The following ANKRD44 variants were observed in gnomAD, a reference collection of about 807,000 sequenced individuals.
ANKRD44 encodes the protein ankyrin repeat domain 44.
Under a neutral mutation model 116.0 loss-of-function variants are expected in ANKRD44, and 35 were observed. The observed-to-expected ratio is 0.30, with a 90% CI of 0.23 to 0.40. ANKRD44 has a LOEUF of 0.40. Ranked by LOEUF, ANKRD44 falls within the 10% of genes least tolerant of loss-of-function variation. The pLI is 1.00. For synonymous variants in ANKRD44, 435 were observed against 461.8 expected (o/e 0.94, Z 0.74); for missense variants, 1,014 against 1,242.6 (o/e 0.82, Z 2.77).
chr2:197,285,059 C>T (rs1351675368), intron 1 of ANKRD44, among the ~76,000 whole-genome samples: 1 of 151,634 alleles, frequency 6.6e-6, no homozygotes, highest in Non-Finnish European at 1.5e-5. Context: ...TAGAAGGCTC[C>T]CTAAAAGATG....
intron 21 of ANKRD44, among the ~76,000 whole-genome samples, chr2:196,973,114 T>G (rs995533971): frequency 8.5e-5 from 13 of 152,190 alleles, no homozygotes; most frequent in Admixed American, 3.9e-4. Flanking sequence ...CCAGCACCAT[T>G]TATTATCACT....
intron 1 of ANKRD44, among the ~76,000 whole-genome samples, chr2:197,240,374 C>CAAA (rs5837533): frequency 1.9e-4 from 18 of 96,590 alleles, no homozygotes; most frequent in African/African-American, 6.1e-4. Flanking sequence ...GGCTCCAGCT[C>CAAA]AAAAAAAAAA....
At chr2:197,252,610 G>C (rs952507893) in intron 1 of ANKRD44, among the ~76,000 whole-genome samples, 1 of 152,064 alleles carries the variant, frequency 6.6e-6, no homozygotes, top group African/African-American at 2.4e-5. Flanking sequence ...GTTTCACCGT[G>C]TATAACCAGG....
intron 16 of ANKRD44, among the ~76,000 whole-genome samples, chr2:197,030,999 T>C (rs762418731): frequency 2.2e-4 from 34 of 152,120 alleles, no homozygotes; most frequent in African/African-American, 4.1e-4. Flanking sequence ...CAAGTTTGTA[T>C]AGATGTTTTC....
chr2:197,062,133 A>T (rs927796522), intron 16 of ANKRD44, among the ~76,000 whole-genome samples: 1 of 152,132 alleles, frequency 6.6e-6, no homozygotes, highest in African/African-American at 2.4e-5. Context: ...TTTCCCTATA[A>T]TCCACTCTGT....
chr2:197,070,866 G>A (rs1289387873), intron 16 of ANKRD44, among the ~76,000 whole-genome samples: 1 of 152,014 alleles, frequency 6.6e-6, no homozygotes, highest in Non-Finnish European at 1.5e-5. Context: ...ATCCATGCCT[G>A]GAAATTTCTT....
chr2:197,125,178 G>A (rs967826609), intron 6 of ANKRD44, among the ~76,000 whole-genome samples: 4 of 152,198 alleles, frequency 2.6e-5, no homozygotes, highest in Admixed American at 2.6e-4. Context: ...CCTCTTCTTT[G>A]TAGGATAAAT....
chr2:197,014,355 T>C (rs376060724), intron 17 of ANKRD44, among the ~76,000 whole-genome samples: 6 of 152,352 alleles, frequency 3.9e-5, no homozygotes, highest in East Asian at 1.9e-4. Flanking sequence ...ATATCTTGCA[T>C]GTAGCTAGTG....
Position 197,201,623 on chromosome 2 carries a change from T to A in ANKRD44, c.28-14517A>T, listed in dbSNP as rs571281237. Among the ~76,000 whole-genome samples, 1 of 152,272 alleles carries A rather than the reference T, an allele frequency of 6.6e-6. No individual in the cohort carries two copies. The highest frequency in any genetic ancestry group is 1.5e-5 in the Non-Finnish European group (1 of 68,052). Reference sequence around the variant, plus strand: ...TAAATCTAGATTTGGGAATCTGCACTGCACACCTTATGTCAAAACTCAGAG... The same window carrying A: ...TAAATCTAGATTTGGGAATCTGCACAGCACACCTTATGTCAAAACTCAGAG... On this transcript the variant is annotated intron_variant, in intron 1 of 27. Transcript: ENST00000282272. The surrounding 1 kb of genome is among the most constrained non-coding windows in gnomAD (Gnocchi z 4.0).
chr2:197,086,776 G>A, intron 12 of ANKRD44, 28 bp from the exon 13 acceptor site: 1 of 1,604,904 alleles, frequency 6.2e-7, no homozygotes, highest in Non-Finnish European at 8.5e-7. Context: ...ACATCATTAA[G>A]ATGGAAGAGA....
chr2:197,081,160 C>T (rs2077785822), intron 15 of ANKRD44, among the ~76,000 whole-genome samples: 1 of 152,150 alleles, frequency 6.6e-6, no homozygotes. Context: ...CCAGGAGCAT[C>T]CTTTTGCAGG....
chr2:197,310,559 C>G lies in ANKRD44; in HGVS notation c.27+19G>C. The stretch of plus-strand genomic sequence containing the variant: ...CCCCGCGCCCGCGCGTCCCGCCCGC[C>G]GGCGCCGCCGCCCGCTACCTGGTCG... On this transcript the variant is annotated intron_variant, in intron 1 of 27. Coordinates refer to ENST00000282272, the MANE Select transcript of ANKRD44 (RefSeq NM_001195144.2). 2 of 1,167,142 alleles carry G rather than the reference C, an allele frequency of 1.7e-6. No individual in the cohort carries two copies. Among genetic ancestry groups the G allele is most frequent in the Non-Finnish European group, 1.1e-6 (1 of 930,522 alleles). 72.3% of individuals were successfully genotyped at this position (1,167,142 alleles called of 1,614,324 possible).
At chr2:197,158,806 G>C (rs1319980284) in intron 2 of ANKRD44, among the ~76,000 whole-genome samples, 1 of 152,122 alleles carries the variant, frequency 6.6e-6, no homozygotes, top group Non-Finnish European at 1.5e-5. Context: ...ACATTTACTG[G>C]GGATCCACCA....
At chr2:197,167,950 A>T (rs1376351437) in intron 2 of ANKRD44, among the ~76,000 whole-genome samples, 1 of 152,214 alleles carries the variant, frequency 6.6e-6, no homozygotes, top group Non-Finnish European at 1.5e-5. Context: ...GAATTTAGCT[A>T]CCTGTAACAT....
rs2080991933 is a variant in ANKRD44, at chr2:197,197,817, AAAAAAAAAAAAAAG to A, written c.28-10725_28-10712del. 3.0e-5 allele frequency among the ~76,000 whole-genome samples: 4 copies of A among 132,868 alleles called. No individual in the cohort carries two copies. In the South Asian group the frequency reaches 1.1e-3, roughly 36 times the overall value. The allele number at this position is 132,868 out of a possible 152,430, so 87.2% of individuals were successfully genotyped here. A position where few individuals can be genotyped will look rare whatever the true frequency, so the allele number is the denominator to read the frequency against. On this transcript the variant is annotated intron_variant, in intron 1 of 27. Coordinates refer to ENST00000282272, the MANE Select transcript of ANKRD44 (RefSeq NM_001195144.2). Reference sequence around the variant, plus strand: ...AGAGTGAAATCCTGTCTCAAAAAAAAAAAAAAAAAAAAAGAAAGAAAGAAACACAGAAAAAGAAA... The same window carrying A: ...AGAGTGAAATCCTGTCTCAAAAAAAAAAAGAAAGAAACACAGAAAAAGAAA...
chr2:197,205,462 T>C (rs1012018174), intron 1 of ANKRD44, among the ~76,000 whole-genome samples: 1 of 152,194 alleles, frequency 6.6e-6, no homozygotes, highest in Non-Finnish European at 1.5e-5. Flanking sequence ...TGCGAAGTGA[T>C]GTCCTCCACC....
intron 10 of ANKRD44, among the ~76,000 whole-genome samples, chr2:197,098,103 T>C (rs2078205289): frequency 1.3e-5 from 2 of 152,182 alleles, no homozygotes; most frequent in African/African-American, 2.4e-5. Context: ...TTTGTTACAA[T>C]GTCATCTTTT....
intron 21 of ANKRD44, among the ~76,000 whole-genome samples, chr2:196,973,598 C>T (rs1408113057): frequency 6.6e-6 from 1 of 152,096 alleles, no homozygotes; most frequent in Non-Finnish European, 1.5e-5. Flanking sequence ...CCTGGTTTTC[C>T]CAGTTCTTCT....
At chr2:197,088,948 T>TG (rs2077984580) in intron 11 of ANKRD44, 174 bp from the exon 12 acceptor site, 1 of 526,534 alleles carries the variant, frequency 1.9e-6, no homozygotes, top group Admixed American at 3.9e-5. Context: ...TGCTCAAGCT[T>TG]GGCAATTTTA....
Sources: gnomAD v4.1 joint callset for allele counts (sites outside exome capture counted in the v4.1 genomes callset) on GRCh38, gnomAD v4.1.1 for gene constraint, Gnocchi (gnomAD v3.1) non-coding constraint, MANE v1.5 for transcripts, NCBI Gene and HGNC (gene_info 2026-07-23, HGNC 2026-07-21) for gene names.